The following ANO1 variants were observed in gnomAD, a reference collection of about 807,000 sequenced individuals.
The protein encoded by ANO1 is anoctamin-1.
ANO1 carries 59 observed loss-of-function variants against 124.0 expected under a neutral mutation model. The observed-to-expected ratio is 0.48, with a 90% CI of 0.39 to 0.59. ANO1 has a LOEUF of 0.59. Among genes scored for constraint, ANO1 ranks in the 20% least tolerant of loss-of-function variants. The probability of loss-of-function intolerance (pLI) is 0.00; values close to 1 mark genes in which losing one functional copy is unlikely to be tolerated. For missense variants in ANO1, 1,059 were observed against 1,328.0 expected, an observed-to-expected ratio of 0.80 and a Z score of 3.15; for synonymous variants, 529 against 532.0, an observed-to-expected ratio of 0.99 and a Z score of 0.08.
chr11:70,082,553 T>G (rs1326802738), intron 1 of ANO1, among the ~76,000 whole-genome samples: 1 of 152,158 alleles, frequency 6.6e-6, no homozygotes, highest in Non-Finnish European at 1.5e-5. Flanking sequence ...GAGCAAGAAT[T>G]CGTCTCAAAA....
chr11:70,085,772 C>A, intron 1 of ANO1: 2 of 1,331,364 alleles, frequency 1.5e-6, no homozygotes, highest in African/African-American at 1.5e-5. Flanking sequence ...CTCCCCCTCT[C>A]CCCCACTGCA....
intron 1 of ANO1, among the ~76,000 whole-genome samples, chr11:70,001,479 G>A (rs1856380496): frequency 1.3e-5 from 2 of 152,086 alleles, no homozygotes; most frequent in South Asian, 2.1e-4. Context: ...TTCCCACCAT[G>A]CTGCCCTCTA....
chr11:70,027,526 G>C (rs1555003360), intron 1 of ANO1, among the ~76,000 whole-genome samples: 1 of 152,226 alleles, frequency 6.6e-6, no homozygotes, highest in Non-Finnish European at 1.5e-5. Context: ...CATCTGGGTT[G>C]GATGGCTTTT....
chr11:70,030,898 G>C (rs1856989085), intron 1 of ANO1, among the ~76,000 whole-genome samples: 1 of 152,128 alleles, frequency 6.6e-6, no homozygotes, highest in Admixed American at 6.5e-5. Context: ...TTGACAAACT[G>C]TGGTTTTATG....
Position 70,152,470 on chromosome 11 carries a change from C to G in ANO1, c.1353+9C>G, listed in dbSNP as rs764967804. ...TGAAGGAGGCTGTCAAGGTTTGGAA[C>G]TTTTTGTCGCTCCTCTATCTTCCCA... On this transcript the variant is annotated intron_variant, in intron 13 of 25. Coordinates refer to ENST00000355303, the MANE Select transcript of ANO1 (RefSeq NM_018043.7). 6.2e-7 allele frequency: 1 copy of G among 1,611,626 alleles called. No individual in the cohort carries two copies. Among genetic ancestry groups the G allele is most frequent in the African/African-American group, 1.3e-5 (1 of 74,744 alleles).
chr11:70,057,586 C>T (rs1471788934), intron 1 of ANO1, among the ~76,000 whole-genome samples: 1 of 152,012 alleles, frequency 6.6e-6, no homozygotes, highest in African/African-American at 2.4e-5. Flanking sequence ...TGGAAAATTA[C>T]AGTTAAAGGG....
upstream of ANO1, among the ~76,000 whole-genome samples, chr11:70,077,100 G>A (rs200781091): frequency 2.0e-5 from 3 of 152,194 alleles, no homozygotes; most frequent in African/African-American, 7.2e-5. Flanking sequence ...ACCATGGCAC[G>A]CTGACGACAT....
intron 22 of ANO1, among the ~76,000 whole-genome samples, chr11:70,176,139 G>GTATATATATA (rs371250706): frequency 9.0e-4 from 132 of 146,522 alleles, no homozygotes; most frequent in African/African-American, 3.2e-3. Context: ...CAGATTATGG[G>GTATATATATA]TATATATATA....
intron 1 of ANO1, among the ~76,000 whole-genome samples, chr11:69,992,764 C>T (rs940278235): frequency 6.6e-6 from 1 of 152,192 alleles, no homozygotes; most frequent in Non-Finnish European, 1.5e-5. Flanking sequence ...CTCCCCGTGC[C>T]TGCCTCTGCC....
At chr11:70,120,645 G>A (rs1157223347) in intron 8 of ANO1, among the ~76,000 whole-genome samples, 23 of 152,168 alleles carry the variant, frequency 1.5e-4, no homozygotes, top group Non-Finnish European at 7.3e-5. Flanking sequence ...GGGTGAGAAG[G>A]ACCAGACAAA....
intron 16 of ANO1, among the ~76,000 whole-genome samples, chr11:70,157,308 G>A (rs532793439): frequency 4.2e-4 from 64 of 150,666 alleles, no homozygotes; most frequent in African/African-American, 1.5e-3. Flanking sequence ...CAGAGGTTGC[G>A]GGGAGCCAAG....
intron 1 of ANO1, among the ~76,000 whole-genome samples, chr11:70,071,682 G>A (rs1246416654): frequency 1.3e-5 from 2 of 151,790 alleles, no homozygotes; most frequent in Non-Finnish European, 2.9e-5. Context: ...GAAGTGCATT[G>A]GTGCAATCAT....
At position 70,149,616 on chromosome 11, in the gene ANO1, C is replaced by A. The variant is rs141370748; in HGVS notation, c.1259-94C>A. ...AGTGGGTGGAGATTGCGCCATTGCA[C>A]TACAGCCTGGGCAACAAGAGCAAAA... On this transcript the variant is annotated intron_variant, in intron 11 of 25. Transcript: ENST00000355303. 1,179 of 1,352,738 alleles carry A rather than the reference C, an allele frequency of 8.7e-4. 18 individuals carry two copies. In the East Asian group the frequency reaches 0.023, roughly 26 times the overall value. 83.8% of individuals were successfully genotyped at this position (1,352,738 alleles called of 1,614,324 possible). A position where few individuals can be genotyped will look rare whatever the true frequency, so the allele number is the denominator to read the frequency against.
At chr11:70,007,421 T>G (rs1396254988) in intron 1 of ANO1, among the ~76,000 whole-genome samples, 1 of 151,866 alleles carries the variant, frequency 6.6e-6, no homozygotes, top group Non-Finnish European at 1.5e-5. Context: ...GGACTACAAG[T>G]GCCTGCCACC....
intron 1 of ANO1, among the ~76,000 whole-genome samples, chr11:70,004,561 G>C (rs1040862875): frequency 6.6e-6 from 1 of 152,196 alleles, no homozygotes; most frequent in Non-Finnish European, 1.5e-5. Context: ...TCAGATGGGG[G>C]CTATGAGAAT....
At chr11:69,979,758 C>T in the ANO1 span, among the ~76,000 whole-genome samples, 76 of 152,264 alleles carry the variant, frequency 5.0e-4, no homozygotes, top group South Asian at 0.013. Context: ...AGGGAGCCAA[C>T]GTGAAGTGGC....
intron 1 of ANO1, among the ~76,000 whole-genome samples, chr11:70,079,070 G>C (rs1036485365): frequency 3.3e-5 from 5 of 152,142 alleles, no homozygotes; most frequent in Non-Finnish European, 7.4e-5. Flanking sequence ...CCCTGGATGG[G>C]ACCTTCCCTT....
chr11:70,123,172 C>T (rs546296772), intron 8 of ANO1, among the ~76,000 whole-genome samples: 1 of 152,160 alleles, frequency 6.6e-6, no homozygotes, highest in Non-Finnish European at 1.5e-5. Flanking sequence ...GGGAACCTTC[C>T]CAGGGCCGCA....
At chr11:70,160,993 G>A (rs1323769250) in intron 16 of ANO1, among the ~76,000 whole-genome samples, 168 bp from the exon 17 acceptor site, 3 of 152,234 alleles carry the variant, frequency 2.0e-5, no homozygotes, top group African/African-American at 7.2e-5. Flanking sequence ...GTGGGTTAAT[G>A]CACAGAAAGC....
Sources: gnomAD v4.1 joint callset for allele counts (sites outside exome capture counted in the v4.1 genomes callset) on GRCh38, gnomAD v4.1.1 for gene constraint, MANE v1.5 for transcripts, NCBI Gene and HGNC (gene_info 2026-07-23, HGNC 2026-07-21) for gene names.